CDC14A: variants seen among roughly 807,000 people sequenced by gnomAD.
CDC14A encodes dual specificity protein phosphatase CDC14A.
CDC14A carries 53 observed loss-of-function variants against 74.4 expected under a neutral mutation model. The observed-to-expected ratio is 0.71, with a 90% CI of 0.57 to 0.89. The LOEUF (loss-of-function observed/expected upper bound fraction) is 0.89. Among genes scored for constraint, CDC14A ranks in the 40% least tolerant of loss-of-function variants. The pLI, the probability that CDC14A is intolerant of heterozygous loss-of-function variation, is 0.00. For synonymous variants in CDC14A, 247 were observed against 258.4 expected, an observed-to-expected ratio of 0.96 and a Z score of 0.43; for missense variants, 646 against 713.7, an observed-to-expected ratio of 0.91 and a Z score of 1.08.
At chr1:100,351,892 AC>A (rs199875341), upstream of CDC14A, 1 of 1,251,828 alleles carries the variant, frequency 8.0e-7, no homozygotes, top group Non-Finnish European at 1.1e-6. Flanking sequence ...AAAGATGCAG[AC>A]CCCCTCAGTG....
chr1:100,485,030 C>T lies in CDC14A; in HGVS notation c.1137+579C>T, dbSNP rs543432976. On this transcript the variant is annotated intron_variant, in intron 11 of 15. Coordinates refer to ENST00000336454, the MANE Select transcript of CDC14A (RefSeq NM_003672.4). ...ATCAGAGATGTTCTAACCTCAGTGT[C>T]AAACATGGTTCAATCCATGTCTGTC... The T allele has an allele frequency of 1.7e-3, 1,695 of 985,264 alleles. 2 individuals carry two copies. Among genetic ancestry groups the T allele is most frequent in the Non-Finnish European group, 1.9e-3 (1,614 of 829,804 alleles). The allele number at this position is 985,264 out of a possible 1,614,324, so 61.0% of individuals were successfully genotyped here.
chr1:100,429,958 G>A (rs1433634427), intron 5 of CDC14A, among the ~76,000 whole-genome samples: 1 of 151,882 alleles, frequency 6.6e-6, no homozygotes, highest in Admixed American at 6.6e-5. Context: ...TGCCCAGGGT[G>A]GGCTTGAACT....
chr1:100,349,890 G>C (rs980559782), upstream of CDC14A, among the ~76,000 whole-genome samples: 22 of 151,470 alleles, frequency 1.5e-4, 1 homozygote, highest in African/African-American at 5.3e-4. Context: ...GCACTATCTC[G>C]GCTCACTGCA....
At chr1:100,347,451 C>CT (rs1570919015) in intron 1 of CDC14A, among the ~76,000 whole-genome samples, 2 of 152,098 alleles carry the variant, frequency 1.3e-5, no homozygotes, top group African/African-American at 4.8e-5. Flanking sequence ...GTTTTTACTT[C>CT]TTTGATTCTG....
intron 8 of CDC14A, among the ~76,000 whole-genome samples, chr1:100,461,942 A>C (rs1216932136): frequency 2.6e-5 from 4 of 152,184 alleles, no homozygotes; most frequent in Non-Finnish European, 5.9e-5. Flanking sequence ...TGGTGAGAAG[A>C]CTTAAATTTT....
chr1:100,379,694 AT>A (rs1379002798), intron 3 of CDC14A, among the ~76,000 whole-genome samples: 1 of 152,182 alleles, frequency 6.6e-6, no homozygotes, highest in Non-Finnish European at 1.5e-5. Flanking sequence ...AGGCTAGGTA[AT>A]TTATAAAGAA....
In CDC14A at chr1:100,495,991, G is replaced by T; in HGVS notation, c.1251-11G>T. The T allele has an allele frequency of 6.2e-7, 1 of 1,613,186 alleles. No individual in the cohort carries two copies. Among genetic ancestry groups the T allele is most frequent in the Non-Finnish European group, 8.5e-7 (1 of 1,179,218 alleles). The stretch of plus-strand genomic sequence containing the variant: ...TGGTGATATGTGAGCATCTGTCTTT[G>T]ATTTCCGCAGGTCAGATGATACAAA... On this transcript the variant is annotated splice_polypyrimidine_tract_variant and intron_variant, in intron 12 of 15. Coordinates refer to ENST00000336454, the MANE Select transcript of CDC14A (RefSeq NM_003672.4).
intron 2 of CDC14A, among the ~76,000 whole-genome samples, chr1:100,359,147 GCAA>G (rs373653130): frequency 4.9e-4 from 75 of 152,302 alleles, no homozygotes; most frequent in Non-Finnish European, 9.3e-4. Context: ...TAAAGCCATA[GCAA>G]CAACAACAGC....
At chr1:100,500,743 CAAAAAAAA>C (rs67947647) in intron 15 of CDC14A, among the ~76,000 whole-genome samples, 6 of 53,862 alleles carry the variant, frequency 1.1e-4, no homozygotes, top group South Asian at 9.7e-4. Flanking sequence ...GAGCCACTCT[CAAAAAAAA>C]AAAAAAAAAA....
chr1:100,455,435 G>C lies in CDC14A; in HGVS notation c.550G>C (p.Val184Leu), dbSNP rs1293206114. ...TGAAAATGGTGACTTCAACTGGATT[G>C]TTCCAGGAAAATTTTTAGCATTTAG... ...RVENGDFNWI[V>L]PGKFLAFSGP... The change falls in exon 8 of 16, where the codon GTT becomes CTT. Residue 184 changes from valine (V) to leucine (L), a missense_variant. By Grantham distance (32) the Val-to-Leu change is conservative. Transcript: ENST00000336454. 2.5e-6 allele frequency: 4 copies of C among 1,603,082 alleles called. No homozygotes were observed. Among genetic ancestry groups the C allele is most frequent in the African/African-American group, 1.3e-5 (1 of 74,402 alleles).
chr1:100,409,575 C>T (rs1660401862), intron 4 of CDC14A, among the ~76,000 whole-genome samples: 1 of 152,144 alleles, frequency 6.6e-6, no homozygotes, highest in Non-Finnish European at 1.5e-5. Context: ...ACAGCCATTC[C>T]AAGTGGAATA....
intron 10 of CDC14A, among the ~76,000 whole-genome samples, chr1:100,474,681 T>C (rs1668720103): frequency 6.6e-6 from 1 of 150,640 alleles, no homozygotes; most frequent in Non-Finnish European, 1.5e-5. Context: ...TTTCTGATGT[T>C]AGTAATTTGT....
chr1:100,439,114 C>T (rs574022133), intron 5 of CDC14A, among the ~76,000 whole-genome samples: 1 of 152,210 alleles, frequency 6.6e-6, no homozygotes, highest in African/African-American at 2.4e-5. Context: ...TGCTAAATTG[C>T]TCTAAAAACT....
At chr1:100,410,801 G>A (rs1047707182) in intron 4 of CDC14A, among the ~76,000 whole-genome samples, 1 of 152,168 alleles carries the variant, frequency 6.6e-6, no homozygotes, top group Non-Finnish European at 1.5e-5. Flanking sequence ...ATTTAACCAC[G>A]ATGGTGATCA....
intron 4 of CDC14A, among the ~76,000 whole-genome samples, chr1:100,422,592 T>G (rs565456819): frequency 6.6e-6 from 1 of 152,308 alleles, no homozygotes; most frequent in Admixed American, 6.5e-5. Context: ...TGTAATTATT[T>G]GAGCTGCAAC....
At position 100,518,773 on chromosome 1, in the gene CDC14A, A is replaced by ATAATTCCTTCT. The variant is rs1650440070; in HGVS notation, c.*496_*506dup. 1 of 152,642 alleles carries ATAATTCCTTCT rather than the reference A, an allele frequency of 6.6e-6. No individual in the cohort carries two copies. Among genetic ancestry groups the ATAATTCCTTCT allele is most frequent in the South Asian group, 2.1e-4 (1 of 4,830 alleles). 9.5% of individuals were successfully genotyped at this position (152,642 alleles called of 1,614,324 possible). On this transcript the variant is annotated 3_prime_UTR_variant, in exon 16 of 16. Coordinates refer to ENST00000336454, the MANE Select transcript of CDC14A (RefSeq NM_003672.4). Reference sequence around the variant, plus strand: ...GTATGGTTTTGTCTCTAATGAATAAATAATTCCTTCTTATTAAGAAGAAGT... The same window carrying ATAATTCCTTCT: ...GTATGGTTTTGTCTCTAATGAATAAATAATTCCTTCTTAATTCCTTCTTATTAAGAAGAAGT...
At chr1:100,459,105 A>ACG (rs949175062) in intron 8 of CDC14A, among the ~76,000 whole-genome samples, 1 of 148,512 alleles carries the variant, frequency 6.7e-6, no homozygotes, top group Non-Finnish European at 1.5e-5. Context: ...ACACACGCAC[A>ACG]CACACACACA....
chr1:100,498,115 T>C lies in CDC14A; in HGVS notation c.1329T>C (p.Val443=), dbSNP rs777104610. The change falls in exon 14 of 16, where the codon GTT becomes GTC. Residue 443 remains valine, a synonymous_variant. Transcript: ENST00000336454. ...RLSSSLQGSA[V]TLKTSKMALS... ...GTTCATCCCTGCAAGGATCTGCAGT[T>C]ACTTTGAAGACATCAAAAATGGCAC... 6.2e-7 allele frequency: 1 copy of C among 1,614,116 alleles called. No homozygotes were observed. Among genetic ancestry groups the C allele is most frequent in the Non-Finnish European group, 8.5e-7 (1 of 1,179,982 alleles).
chr1:100,387,674 T>C (rs930968382), intron 3 of CDC14A, among the ~76,000 whole-genome samples: 2 of 152,236 alleles, frequency 1.3e-5, no homozygotes, highest in East Asian at 3.8e-4. Flanking sequence ...CTAAAATCTT[T>C]AAAGTGTTAA....
Sources: gnomAD v4.1 joint callset for allele counts (sites outside exome capture counted in the v4.1 genomes callset) on GRCh38, gnomAD v4.1.1 for gene constraint, MANE v1.5 for transcripts, NCBI Gene and HGNC (gene_info 2026-07-23, HGNC 2026-07-21) for gene names.